LPAR6: variants seen among roughly 807,000 people sequenced by gnomAD.
The protein encoded by LPAR6 is lysophosphatidic acid receptor 6, also known as G-protein coupled purinergic receptor P2Y5.
In LPAR6, 17 loss-of-function variants were observed where a neutral mutation model predicts 22.0. The observed-to-expected ratio is 0.77, with a 90% CI of 0.53 to 1.16. LPAR6 has a LOEUF of 1.16. LPAR6 is among the 50% of genes most tolerant of loss of function. The pLI is 0.00. For synonymous variants in LPAR6, 136 were observed against 139.8 expected, an observed-to-expected ratio of 0.97 and a Z score of 0.19; for missense variants, 384 against 406.9, an observed-to-expected ratio of 0.94 and a Z score of 0.48.
chr13:48,412,096 T>C lies in LPAR6; in HGVS notation c.328A>G (p.Ile110Val). 6.2e-7 allele frequency: 1 copy of C among 1,613,304 alleles called. No individual in the cohort carries two copies. The highest frequency in any genetic ancestry group is 1.3e-5 in the African/African-American group (1 of 75,012). Residue 110 changes from isoleucine to valine, a missense_variant, in exon 1 of 1, where the codon ATT becomes GTT. Coordinates refer to ENST00000620633, the MANE Select transcript of LPAR6 (RefSeq NM_001162498.3). The stretch of plus-strand genomic sequence containing the variant: ...ATTGCCAGAAATCGATCTACACTAA[T>C]ACAGGTTAAGAACAGAATGCTTCCG... ...MYGSILFLTC[I>V]SVDRFLAIVY...
At chr13:48,394,434 C>T (rs1948632693) in intron 1 of LPAR6, among the ~76,000 whole-genome samples, 1 of 152,176 alleles carries the variant, frequency 6.6e-6, no homozygotes, top group East Asian at 1.9e-4. Flanking sequence ...GGGGCTGAAG[C>T]CAGGGAGCCA....
chr13:48,432,349 G>A (rs7328619), intron 1 of LPAR6, among the ~76,000 whole-genome samples: 7,602 of 150,592 alleles, frequency 0.05, 627 homozygotes, highest in African/African-American at 0.17. Flanking sequence ...TTTCAACTTG[G>A]TAAGATTCTA....
chr13:48,412,541 G>C lies in LPAR6; in HGVS notation c.-118C>G. ...TATTTGCAAATTATCTGGATCTTTG[G>C]ATGGTTTTATAAATATTTCCTTTTT... is the stretch of plus-strand genomic sequence containing the variant. On this transcript the variant is annotated 5_prime_UTR_variant, in exon 1 of 1. The change creates a new upstream start codon in the 5' untranslated region. Coordinates refer to ENST00000620633, the MANE Select transcript of LPAR6 (RefSeq NM_001162498.3). 1 of 756,584 alleles carries C rather than the reference G, an allele frequency of 1.3e-6. No homozygotes were observed. The highest frequency in any genetic ancestry group is 2.6e-5 in the East Asian group (1 of 39,128). The allele number at this position is 756,584 out of a possible 1,614,324, so 46.9% of individuals were successfully genotyped here. A position where few individuals can be genotyped will look rare whatever the true frequency, so the allele number is the denominator to read the frequency against.
intron 1 of LPAR6, among the ~76,000 whole-genome samples, chr13:48,397,558 G>A (rs1002824271): frequency 2.6e-5 from 4 of 152,120 alleles, no homozygotes; most frequent in African/African-American, 7.2e-5. Flanking sequence ...TGGGTTGATA[G>A]GTGCAGCAAA....
Position 48,413,029 on chromosome 13 carries a change from C to T in LPAR6, c.-606G>A, listed in dbSNP as rs1485585300. The T allele has an allele frequency of 2.4e-5, 4 of 167,328 alleles. No homozygotes were observed. The highest frequency in any genetic ancestry group is 2.1e-4 in the South Asian group (1 of 4,846). The allele number at this position is 167,328 out of a possible 1,614,324, so 10.4% of individuals were successfully genotyped here. On this transcript the variant is annotated 5_prime_UTR_variant, in exon 1 of 1. Transcript: ENST00000620633. ...AAGCAGAAGAGTCTTTTAAAGATTC[C>T]GAAATAAACTCCCAAGCTTGTTAGC... is the stretch of plus-strand genomic sequence containing the variant.
At chr13:48,418,184 C>T (rs974463269) in intron 2 of LPAR6, among the ~76,000 whole-genome samples, 7 of 152,196 alleles carry the variant, frequency 4.6e-5, no homozygotes. Flanking sequence ...GTGGATCTCT[C>T]TGCAGAAACC....
intron 1 of LPAR6, among the ~76,000 whole-genome samples, chr13:48,441,972 G>A (rs1257558642): frequency 6.6e-6 from 1 of 152,116 alleles, no homozygotes; most frequent in African/African-American, 2.4e-5. Flanking sequence ...TTGTCACTTA[G>A]CAGTACAAGC....
downstream of LPAR6, among the ~76,000 whole-genome samples, chr13:48,408,380 C>T (rs1384617817): frequency 1.3e-5 from 2 of 151,994 alleles, no homozygotes; most frequent in African/African-American, 2.4e-5. Flanking sequence ...CATTTTTCCA[C>T]ACCTGAAAAA....
rs1262853461 is a variant in LPAR6, at chr13:48,411,452, A to AT, written c.971dup (p.Asn324LysfsTer6). The AT allele has an allele frequency of 6.2e-7, 1 of 1,613,484 alleles. No individual in the cohort carries two copies. The highest frequency in any genetic ancestry group is 8.5e-7 in the Non-Finnish European group (1 of 1,179,734). On this transcript the variant is annotated frameshift_variant, in exon 1 of 1. Transcript: ENST00000620633. LOFTEE classifies it high-confidence loss of function. Reference sequence around the variant, plus strand: ...AGGTCTGTAGGTTATGCTGAATAAAATTCTCTGCACCATGAACTTCAGAGA... The same window carrying AT: ...AGGTCTGTAGGTTATGCTGAATAAAATTTCTCTGCACCATGAACTTCAGAGA...
chr13:48,410,242 A>C (rs4151546), downstream of LPAR6, among the ~76,000 whole-genome samples: 13 of 152,232 alleles, frequency 8.5e-5, no homozygotes, highest in African/African-American at 3.1e-4. Flanking sequence ...AGATTATCAT[A>C]CTATATTTTT....
chr13:48,436,710 A>C (rs1261741692), intron 1 of LPAR6, among the ~76,000 whole-genome samples: 1 of 152,162 alleles, frequency 6.6e-6, no homozygotes, highest in Non-Finnish European at 1.5e-5. Flanking sequence ...CAGAAATATT[A>C]GTATTAAAGG....
At chr13:48,402,702 G>T (rs567853961) in intron 1 of LPAR6, among the ~76,000 whole-genome samples, 13 of 152,036 alleles carry the variant, frequency 8.6e-5, no homozygotes, top group Non-Finnish European at 1.0e-4. Flanking sequence ...TGTGTCCTTT[G>T]CTTTATTTTT....
intron 1 of LPAR6, among the ~76,000 whole-genome samples, chr13:48,424,419 A>C (rs2138256147): frequency 6.6e-6 from 1 of 152,344 alleles, no homozygotes; most frequent in Non-Finnish European, 1.5e-5. Flanking sequence ...AGAAGAGGAA[A>C]GATTTAAAGG....
At chr13:48,396,445 T>C (rs1471801058) in intron 1 of LPAR6, among the ~76,000 whole-genome samples, 2 of 152,200 alleles carry the variant, frequency 1.3e-5, no homozygotes, top group Middle Eastern at 3.2e-3. Context: ...ACTAGCCATA[T>C]GCAGAAAACT....
chr13:48,409,313 C>T (rs897750889), downstream of LPAR6, among the ~76,000 whole-genome samples: 6 of 151,532 alleles, frequency 4.0e-5, no homozygotes, highest in African/African-American at 1.5e-4. Flanking sequence ...TAAAGAAAAC[C>T]CCCCACTGTT....
rs1948836966 is a variant in LPAR6 at position 48,412,668 on chromosome 13, T to A, written c.-245A>T. 3.7e-6 allele frequency: 2 copies of A among 541,694 alleles called. No individual in the cohort carries two copies. Among genetic ancestry groups the A allele is most frequent in the Non-Finnish European group, 6.8e-6 (2 of 293,718 alleles). The allele number at this position is 541,694 out of a possible 1,614,324, so 33.6% of individuals were successfully genotyped here. A position where few individuals can be genotyped will look rare whatever the true frequency, so the allele number is the denominator to read the frequency against. On this transcript the variant is annotated 5_prime_UTR_variant, in exon 1 of 1. The change abolishes an upstream ATG in the 5' untranslated region. Transcript: ENST00000620633. ...CATTTGTTAGTCTTTAGAAAATCCATGAATTCCAAGGCTCAGTTAACTGAC... is the reference window on the plus strand; with the variant it reads ...CATTTGTTAGTCTTTAGAAAATCCAAGAATTCCAAGGCTCAGTTAACTGAC...
downstream of LPAR6, among the ~76,000 whole-genome samples, chr13:48,409,826 G>A (rs113294355): frequency 2.6e-5 from 4 of 151,886 alleles, no homozygotes; most frequent in African/African-American, 9.7e-5. Flanking sequence ...TGATCCACCC[G>A]CCTCAGCCAC....
At chr13:48,416,047 TC>T (rs1426058607), upstream of LPAR6, among the ~76,000 whole-genome samples, 1 of 152,204 alleles carries the variant, frequency 6.6e-6, no homozygotes, top group African/African-American at 2.4e-5. Flanking sequence ...ATGTGAGATC[TC>T]TACACTTCTG....
chr13:48,430,633 G>A (rs1474663326), upstream of LPAR6, among the ~76,000 whole-genome samples: 2 of 152,112 alleles, frequency 1.3e-5, no homozygotes, highest in African/African-American at 2.4e-5. Flanking sequence ...CCAGATACTC[G>A]GAAGGCTGAG....
Sources: allele counts gnomAD v4.1 joint callset (sites outside exome capture counted in the v4.1 genomes callset), GRCh38; gene constraint gnomAD v4.1.1; transcripts MANE v1.5; gene names NCBI Gene and HGNC (gene_info 2026-07-23, HGNC 2026-07-21).